Variants in CRISPLD2 observed in about 807,000 individuals in gnomAD.
CRISPLD2 encodes the protein cysteine rich secretory protein LCCL domain containing 2.
A neutral mutation model predicts 71.1 loss-of-function variants in CRISPLD2; 47 were observed. That is an observed-to-expected ratio of 0.66 (90% CI 0.52 to 0.84). CRISPLD2 has a LOEUF of 0.84. CRISPLD2 is among the 40% of genes least tolerant of loss of function. The probability of loss-of-function intolerance (pLI) is 0.00; values close to 1 mark genes in which losing one functional copy is unlikely to be tolerated. For missense variants in CRISPLD2, 830 were observed against 651.1 expected (o/e 1.27, Z -2.99); for synonymous variants, 317 against 250.1 (o/e 1.27, Z -2.52).
intron 11 of CRISPLD2, among the ~76,000 whole-genome samples, chr16:84,875,754 C>T (rs1487377199): frequency 2.1e-5 from 3 of 144,298 alleles, no homozygotes; most frequent in Non-Finnish European, 4.5e-5. Flanking sequence ...TAAGTAGAGA[C>T]GGGGTTTCGC....
At chr16:84,821,675 T>A (rs182797320) in intron 1 of CRISPLD2, among the ~76,000 whole-genome samples, 35 of 152,326 alleles carry the variant, frequency 2.3e-4, no homozygotes, top group African/African-American at 7.7e-4. Flanking sequence ...GGGCTCCAGT[T>A]AAAACCACTG....
chr16:84,838,858 C>T (rs1597450663), intron 2 of CRISPLD2, 123 bp downstream of exon 2: 1 of 1,260,906 alleles, frequency 7.9e-7, no homozygotes, highest in East Asian at 2.5e-5. Flanking sequence ...TCAGGGTCTC[C>T]TCTGGCAGGG....
rs1046020331 is a variant in CRISPLD2, at chr16:84,907,277, A to T, written c.*635A>T. The T allele has an allele frequency of 2.5e-5, 4 of 161,908 alleles. No individual in the cohort carries two copies. The highest frequency in any genetic ancestry group is 9.6e-5 in the African/African-American group (4 of 41,530). 10.0% of individuals were successfully genotyped at this position (161,908 alleles called of 1,614,324 possible). A position where few individuals can be genotyped will look rare whatever the true frequency, so the allele number is the denominator to read the frequency against. Reference sequence around the variant, plus strand: ...GGCGGCCCGCCACAGGCCCCCTTCAATGGCCGCATTCAGGATGGCTCTATA... The same window carrying T: ...GGCGGCCCGCCACAGGCCCCCTTCATTGGCCGCATTCAGGATGGCTCTATA... On this transcript the variant is annotated 3_prime_UTR_variant, in exon 15 of 15. Transcript: ENST00000262424.
intron 8 of CRISPLD2, among the ~76,000 whole-genome samples, chr16:84,870,444 C>T (rs2071457835): frequency 1.3e-5 from 2 of 152,084 alleles, no homozygotes; most frequent in East Asian, 2.0e-4. Flanking sequence ...CTCAGCCTCC[C>T]GCGTAGCTGG....
In CRISPLD2 at chr16:84,845,863, G is replaced by A. The variant is rs761077867; in HGVS notation, c.318G>A (p.Leu106=). The change falls in exon 3 of 15, where the codon CTG becomes CTA. Residue 106 remains leucine (L), a synonymous_variant. Coordinates refer to ENST00000262424, the MANE Select transcript of CRISPLD2 (RefSeq NM_031476.4). The stretch of plus-strand genomic sequence containing the variant: ...TCTGGGAGCACGGGCCCACCAGTCT[G>A]CTGGTGTCCATCGGGCAGAACCTGG... ...QCIWEHGPTS[L]LVSIGQNLGA... is the part of the protein sequence containing the mutation. 6.2e-7 allele frequency: 1 copy of A among 1,614,018 alleles called. No individual in the cohort carries two copies. The highest frequency in any genetic ancestry group is 1.7e-5 in the Admixed American group (1 of 60,020).
chr16:84,863,201 A>G lies in CRISPLD2; in HGVS notation c.710-3696A>G, dbSNP rs147278972. 2.1e-3 allele frequency: 313 copies of G among 152,340 alleles called. 1 individual carries two copies. Among genetic ancestry groups the G allele is most frequent in the African/African-American group, 7.2e-3 (299 of 41,570 alleles). 9.4% of individuals were successfully genotyped at this position (152,340 alleles called of 1,614,324 possible). On this transcript the variant is annotated intron_variant, in intron 6 of 14. Transcript: ENST00000262424. Reference sequence around the variant, plus strand: ...ATGTGTTGTTTGAATAAATATGCCAATAGCCACAGAGGGGCATTTTCAAAG... The same window carrying G: ...ATGTGTTGTTTGAATAAATATGCCAGTAGCCACAGAGGGGCATTTTCAAAG...
At chr16:84,894,291 T>A (rs1483980285) in intron 14 of CRISPLD2, among the ~76,000 whole-genome samples, 1 of 152,202 alleles carries the variant, frequency 6.6e-6, no homozygotes, top group African/African-American at 2.4e-5. Context: ...GACATCTGGG[T>A]GAATGTCAGT....
intron 12 of CRISPLD2, among the ~76,000 whole-genome samples, chr16:84,879,178 G>A (rs918205860): frequency 6.6e-6 from 1 of 152,328 alleles, no homozygotes; most frequent in African/African-American, 2.4e-5. Context: ...TTGAATGTTC[G>A]AGTGGGGATA....
chr16:84,850,519 T>C (rs765288617), intron 4 of CRISPLD2, 49 bp from the exon 5 acceptor site: 1 of 1,519,654 alleles, frequency 6.6e-7, no homozygotes, highest in Non-Finnish European at 9.1e-7. Context: ...GATATCACCC[T>C]TTTGTGCCTT....
chr16:84,905,049 G>C (rs1003790661), intron 14 of CRISPLD2, among the ~76,000 whole-genome samples: 1 of 152,150 alleles, frequency 6.6e-6, no homozygotes, highest in Non-Finnish European at 1.5e-5. Context: ...GGGAGGCTGA[G>C]GCAGGAGGAT....
intron 11 of CRISPLD2, among the ~76,000 whole-genome samples, chr16:84,876,230 G>A (rs867544250): frequency 5.9e-5 from 9 of 152,196 alleles, no homozygotes; most frequent in Admixed American, 1.3e-4. Context: ...GGCCGGGCGC[G>A]GTGGCTCACG....
chr16:84,864,827 G>A (rs977985769), intron 6 of CRISPLD2, among the ~76,000 whole-genome samples: 1 of 152,200 alleles, frequency 6.6e-6, no homozygotes, highest in South Asian at 2.1e-4. Flanking sequence ...AGCTGCTGGG[G>A]AACAGTGCAG....
intron 14 of CRISPLD2, among the ~76,000 whole-genome samples, chr16:84,894,182 C>G (rs1381957432): frequency 1.3e-5 from 2 of 152,154 alleles, no homozygotes; most frequent in Non-Finnish European, 2.9e-5. Flanking sequence ...CACCTGCTCT[C>G]TCACCCCTGC....
rs1320821939 is a variant in CRISPLD2, at chr16:84,868,986, G to C, written c.914+75G>C. 6 of 1,314,786 alleles carry C rather than the reference G, an allele frequency of 4.6e-6. No homozygotes were observed. In the Admixed American group the frequency reaches 6.9e-5, roughly 15 times the overall value. 81.4% of individuals were successfully genotyped at this position (1,314,786 alleles called of 1,614,324 possible). ...GGGCTGTCCTACCACTGTGGCCTCT[G>C]GGCCTATGCTGGGCTGTCCTGCTGT... On this transcript the variant is annotated intron_variant, in intron 8 of 14. Transcript: ENST00000262424.
At chr16:84,827,681 C>G (rs1406109805) in intron 1 of CRISPLD2, among the ~76,000 whole-genome samples, 5 of 151,954 alleles carry the variant, frequency 3.3e-5, no homozygotes, top group African/African-American at 9.7e-5. Flanking sequence ...ATTCTCTTGC[C>G]TCAGCCTCCC....
At chr16:84,820,871 C>G (rs1916215046) in intron 1 of CRISPLD2, among the ~76,000 whole-genome samples, 3 of 152,064 alleles carry the variant, frequency 2.0e-5, no homozygotes, top group Non-Finnish European at 4.4e-5. Flanking sequence ...AGGGCTCACT[C>G]TGGAGTGTGG....
intron 5 of CRISPLD2, among the ~76,000 whole-genome samples, chr16:84,851,123 C>G (rs1009732207): frequency 1.3e-5 from 2 of 152,222 alleles, no homozygotes; most frequent in African/African-American, 4.8e-5. Flanking sequence ...GGAATAGCTG[C>G]TGGCTGGGCA....
At chr16:84,845,408 C>T (rs1311043315) in intron 2 of CRISPLD2, among the ~76,000 whole-genome samples, 2 of 152,166 alleles carry the variant, frequency 1.3e-5, no homozygotes, top group Non-Finnish European at 2.9e-5. Flanking sequence ...CTGGGGTCAT[C>T]GGGACAGGCT....
chr16:84,833,946 C>G (rs1215515108), intron 1 of CRISPLD2, among the ~76,000 whole-genome samples: 3 of 152,092 alleles, frequency 2.0e-5, no homozygotes, highest in African/African-American at 7.2e-5. Flanking sequence ...AGCCCCCTTC[C>G]CCCTGCATGG....
Sources: allele counts gnomAD v4.1 joint callset (sites outside exome capture counted in the v4.1 genomes callset), GRCh38; gene constraint gnomAD v4.1.1; transcripts MANE v1.5; gene names NCBI Gene and HGNC (gene_info 2026-07-23, HGNC 2026-07-21).